Variants in MCF2L observed in about 807,000 individuals in gnomAD.
MCF2L encodes the protein guanine nucleotide exchange factor DBS.
In MCF2L, 97 loss-of-function variants were observed where a neutral mutation model predicts 153.4. The observed-to-expected ratio is 0.63, with a 90% CI of 0.54 to 0.75. The LOEUF is 0.75. Among genes scored for constraint, MCF2L ranks in the 30% least tolerant of loss-of-function variants. The pLI is 0.00. For missense variants in MCF2L, 1,347 were observed against 1,495.2 expected (o/e 0.90, Z 1.64); for synonymous variants, 659 against 632.2 (o/e 1.04, Z -0.64).
chr13:112,994,824 T>C (rs186018541), intron 1 of MCF2L, among the ~76,000 whole-genome samples: 21 of 152,228 alleles, frequency 1.4e-4, no homozygotes, highest in Non-Finnish European at 2.2e-4. Context: ...GCCACCGAGG[T>C]TGGGGGCTGC....
intron 1 of MCF2L, among the ~76,000 whole-genome samples, chr13:112,996,432 G>A (rs564620894): frequency 3.9e-5 from 6 of 152,318 alleles, no homozygotes; most frequent in African/African-American, 9.6e-5. Context: ...AGGATGGGCC[G>A]TGCTACCCTG....
rs116330500 is a variant in MCF2L, at chr13:112,949,556, A to C, written c.169+47185A>C. On this transcript the variant is annotated intron_variant, in intron 2 of 29. Coordinates refer to the MCF2L transcript ENST00000375608. The stretch of plus-strand genomic sequence containing the variant: ...GACCAAGTTTTGGTTTATACCAAGG[A>C]TGCAAAGCTGGATCAATATTTGAAA... Among the ~76,000 whole-genome samples the C allele has an allele frequency of 7.8e-3, 1,182 of 152,350 alleles. 14 individuals are homozygous for C. Among genetic ancestry groups the C allele is most frequent in the African/African-American group, 0.027 (1,141 of 41,572 alleles).
At chr13:112,987,311 C>CATGCAGCCCCCGGTTGGGGGCAGGG (rs11268184) in intron 1 of MCF2L, among the ~76,000 whole-genome samples, 3 of 151,716 alleles carry the variant, frequency 2.0e-5, no homozygotes, top group Non-Finnish European at 4.4e-5. Context: ...GCCTGGAGCA[C>CATGCAGCCCCCGGTTGGGGGCAGGG]ACCTTGTGGA....
intron 1 of MCF2L, among the ~76,000 whole-genome samples, chr13:112,981,638 G>A (rs904980354): frequency 2.0e-5 from 3 of 152,210 alleles, no homozygotes; most frequent in Admixed American, 6.5e-5. Flanking sequence ...CTGGGCCTGC[G>A]AGCCTGAGAC....
At position 113,076,201 on chromosome 13, in the gene MCF2L, G is replaced by A. The variant is rs2033459261; in HGVS notation, c.1500+44G>A. ...CTCCATTTGCAGCTTGCTGTCCCGAGCAGTGAGGCATTCCTCTGTGGGAAG... is the reference window on the plus strand; with the variant it reads ...CTCCATTTGCAGCTTGCTGTCCCGAACAGTGAGGCATTCCTCTGTGGGAAG... On this transcript the variant is annotated intron_variant, in intron 12 of 29. Coordinates refer to ENST00000535094, the MANE Select transcript of MCF2L (RefSeq NM_001112732.3). 2.1e-6 allele frequency: 3 copies of A among 1,418,296 alleles called. No homozygotes were observed. The East Asian group carries it at 7.2e-5, about 34-fold the overall frequency. The allele number at this position is 1,418,296 out of a possible 1,614,324, so 87.9% of individuals were successfully genotyped here.
intron 2 of MCF2L, among the ~76,000 whole-genome samples, chr13:112,940,183 T>C (rs953393817): frequency 1.3e-5 from 2 of 152,224 alleles, no homozygotes; most frequent in African/African-American, 2.4e-5. Context: ...ATTGTTTTCA[T>C]AATAAATATT....
chr13:113,087,252 G>A lies in MCF2L; in HGVS notation c.2391G>A (p.Leu797=), dbSNP rs201327114. The A allele has an allele frequency of 2.5e-6, 4 of 1,611,998 alleles. No homozygotes were observed. In the Admixed American group the frequency reaches 5.0e-5, roughly 20 times the overall value. ...ACATTTAGGGGAATCTCGGCGACCT[G>A]GGCAAGCTGCTGATGCAGGGCTCGT... ...ITGYDGNLGD[L]GKLLMQGSFS... The change falls in exon 22 of 30, where the codon CTG becomes CTA. Residue 797 remains leucine (L), a synonymous_variant. Transcript: ENST00000535094.
rs1449470875 is a variant in MCF2L at position 113,066,165 on chromosome 13, G to A, written c.876G>A (p.Val292=). 8.7e-6 allele frequency: 14 copies of A among 1,609,620 alleles called. No homozygotes were observed. Among genetic ancestry groups the A allele is most frequent in the Non-Finnish European group, 1.2e-5 (14 of 1,178,212 alleles). Residue 292 remains valine, a synonymous_variant, in exon 8 of 30, where the codon GTG becomes GTA. Transcript: ENST00000535094. ...ACCAGCTTGACAACCAGGCCACCGTGCAGAGGTGAGGCCCGGCTGCCTTCC... is the reference window on the plus strand; with the variant it reads ...ACCAGCTTGACAACCAGGCCACCGTACAGAGGTGAGGCCCGGCTGCCTTCC... ...NQDQLDNQAT[V]QRLLAQLNET... is the part of the protein sequence containing the mutation.
At chr13:112,966,923 C>G (rs2081900346), upstream of MCF2L, among the ~76,000 whole-genome samples, 1 of 152,224 alleles carries the variant, frequency 6.6e-6, no homozygotes, top group African/African-American at 2.4e-5. This position sits in a 1 kb window ranked among gnomAD's most constrained non-coding sequence, Gnocchi z 4.1. Flanking sequence ...GCCATCAGAG[C>G]CCAGCTGTGT....
intron 1 of MCF2L, among the ~76,000 whole-genome samples, chr13:113,006,277 C>G (rs1464328646): frequency 6.6e-6 from 1 of 152,252 alleles, no homozygotes; most frequent in African/African-American, 2.4e-5. Flanking sequence ...ACTGCCTGCC[C>G]TGCAGTCCTG....
chr13:113,002,996 T>A (rs1388324031), intron 1 of MCF2L, among the ~76,000 whole-genome samples: 2 of 137,912 alleles, frequency 1.5e-5, no homozygotes, highest in Non-Finnish European at 3.2e-5. Context: ...TACCAAGACC[T>A]CATCTGTTAA....
chr13:113,088,619 C>T lies in MCF2L; in HGVS notation c.2825C>T (p.Thr942Ile). Reference sequence around the variant, plus strand: ...CAGAGCCTGCCCCTGCCGGCCCCGACCAGCACCAGGTGAGAATGGACACGC... The same window carrying T: ...CAGAGCCTGCCCCTGCCGGCCCCGATCAGCACCAGGTGAGAATGGACACGC... ...QSQSLPLPAPTSTSPSRGNSR... is the reference protein window; with the variant it reads ...QSQSLPLPAPISTSPSRGNSR... The change falls in exon 25 of 30, where the codon ACC becomes ATC. Residue 942 changes from threonine to isoleucine, a missense_variant. Physicochemically the swap from Thr to Ile is moderately conservative, Grantham distance 89 (BLOSUM62 -1). Coordinates refer to ENST00000535094, the MANE Select transcript of MCF2L (RefSeq NM_001112732.3). The T allele has an allele frequency of 6.2e-7, 1 of 1,607,380 alleles. No homozygotes were observed. Among genetic ancestry groups the T allele is most frequent in the Non-Finnish European group, 8.5e-7 (1 of 1,179,802 alleles).
Position 112,960,645 on chromosome 13 carries a change from A to G in MCF2L, c.170-54118A>G, listed in dbSNP as rs1357318802. Among the ~76,000 whole-genome samples the G allele has an allele frequency of 6.6e-6, 1 of 152,082 alleles. No homozygotes were observed. Among genetic ancestry groups the G allele is most frequent in the Non-Finnish European group, 1.5e-5 (1 of 68,014 alleles). Reference sequence around the variant, plus strand: ...AAACACTGGCTAACCACACACATTCATGGTCTATAGCTCTGGAGGCCAGAA... The same window carrying G: ...AAACACTGGCTAACCACACACATTCGTGGTCTATAGCTCTGGAGGCCAGAA... On this transcript the variant is annotated intron_variant, in intron 2 of 29. Coordinates refer to the MCF2L transcript ENST00000375608. The surrounding 1 kb of genome is among the most constrained non-coding windows in gnomAD (Gnocchi z 4.2).
chr13:112,998,858 C>T (rs892736587), intron 1 of MCF2L, among the ~76,000 whole-genome samples: 13 of 152,272 alleles, frequency 8.5e-5, no homozygotes, highest in African/African-American at 2.4e-4. Flanking sequence ...AAGCTGTTTC[C>T]CATCTCCAGC....
intron 2 of MCF2L, among the ~76,000 whole-genome samples, chr13:113,016,745 C>T (rs373269577): frequency 2.6e-5 from 4 of 152,320 alleles, no homozygotes; most frequent in Admixed American, 6.5e-5. Context: ...GAATTTCTTC[C>T]GCGGGGCTTG....
At chr13:112,980,538 C>G (rs902728729) in intron 1 of MCF2L, among the ~76,000 whole-genome samples, 12 of 150,332 alleles carry the variant, frequency 8.0e-5, no homozygotes, top group African/African-American at 2.7e-4. Flanking sequence ...GAAAGGGAGG[C>G]AGCGAACACA....
rs966375960 is a variant in MCF2L at position 112,960,825 on chromosome 13, C to T, written c.170-53938C>T. ...CATCCATCCTCACATCTCCTCCCTG[C>T]CTGAGCCTCCTGCTGCCCTGCTGGA... On this transcript the variant is annotated intron_variant, in intron 2 of 29. Coordinates refer to the MCF2L transcript ENST00000375608. This position sits in a 1 kb window ranked among gnomAD's most constrained non-coding sequence, Gnocchi z 4.2. Among the ~76,000 whole-genome samples the T allele has an allele frequency of 2.6e-5, 4 of 152,134 alleles. No homozygotes were observed. The highest frequency in any genetic ancestry group is 4.4e-5 in the Non-Finnish European group (3 of 68,014).
At chr13:113,003,975 G>A (rs1418069504) in intron 1 of MCF2L, among the ~76,000 whole-genome samples, 2 of 152,218 alleles carry the variant, frequency 1.3e-5, no homozygotes, top group Non-Finnish European at 2.9e-5. Context: ...ATTCCACAGA[G>A]AGGTCACCGT....
At chr13:112,967,474 A>T (rs2081908685), upstream of MCF2L, 1 of 152,216 alleles carries the variant, frequency 6.6e-6, no homozygotes, top group Non-Finnish European at 1.5e-5. Context: ...AAAAACAAAA[A>T]CAAAGCAGCC....
Sources: allele counts gnomAD v4.1 joint callset (sites outside exome capture counted in the v4.1 genomes callset), GRCh38; gene constraint gnomAD v4.1.1; non-coding constraint Gnocchi (gnomAD v3.1); transcripts MANE v1.5; gene names NCBI Gene and HGNC (gene_info 2026-07-23, HGNC 2026-07-21).